Variants in SYNC observed in about 807,000 individuals in gnomAD.
The protein encoded by SYNC is syncoilin, intermediate filament protein, also known as syncoilin.
In SYNC, 38 loss-of-function variants were observed where a neutral mutation model predicts 49.5. The observed-to-expected ratio is 0.77, with a 90% confidence interval of 0.59 to 1.01. SYNC has a LOEUF of 1.01. SYNC is among the 50% of genes least tolerant of loss of function. The pLI, the probability that SYNC is intolerant of heterozygous loss-of-function variation, is 0.00. For missense variants in SYNC, 579 were observed against 580.6 expected (o/e 1.00, Z 0.03); for synonymous variants, 201 against 230.8 (o/e 0.87, Z 1.17).
At position 32,695,612 on chromosome 1, in the gene SYNC, G is replaced by A. The variant is rs573229823; in HGVS notation, c.486C>T (p.Ser162=). 6.1e-5 allele frequency: 95 copies of A among 1,551,448 alleles called. No individual in the cohort carries two copies. In the African/African-American group the frequency reaches 9.9e-4, roughly 16 times the overall value. ...EESLRAEQSP[S]MEENLSIEDL... is the part of the protein sequence containing the mutation. ...CCTCTATGCTCAGGTTCTCCTCCAT[G>A]CTGGGGCTCTGCTCGGCTCTGAGGC... is the stretch of plus-strand genomic sequence containing the variant. The change falls in exon 2 of 5, where the codon AGC becomes AGT. Residue 162 remains serine, a synonymous_variant. Transcript: ENST00000409190.
At chr1:32,690,027 C>G (rs1650086032) in intron 2 of SYNC, among the ~76,000 whole-genome samples, 2 of 151,692 alleles carry the variant, frequency 1.3e-5, no homozygotes, top group African/African-American at 4.8e-5. Flanking sequence ...TTAGGGACCT[C>G]AGACCTTGCT....
rs1171957898 is a variant in SYNC, at chr1:32,695,661, G to A, written c.437C>T (p.Ala146Val). Reference protein sequence around the residue: ...VVYEGETVTRAEKSNPEESLR... With the variant: ...VVYEGETVTRVEKSNPEESLR... ...GCTCTCCTCAGGGTTAGATTTCTCC[G>A]CCCTTGTGACTGTCTCTCCCTCATA... The change falls in exon 2 of 5, where the codon GCG becomes GTG. Residue 146 changes from alanine (A) to valine (V), a missense_variant. Coordinates refer to ENST00000409190, the MANE Select transcript of SYNC (RefSeq NM_030786.3). 16 of 1,551,306 alleles carry A rather than the reference G, an allele frequency of 1.0e-5. No homozygotes were observed. Among genetic ancestry groups the A allele is most frequent in the African/African-American group, 5.5e-5 (4 of 72,864 alleles).
chr1:32,685,855 T>G (rs1379761522), intron 2 of SYNC: 1 of 152,250 alleles, frequency 6.6e-6, no homozygotes, highest in Non-Finnish European at 1.5e-5. Context: ...GGATGGTCTC[T>G]TAATCCTGTG....
chr1:32,681,712 G>A lies in SYNC; in HGVS notation c.*138C>T, dbSNP rs1649447486. 6 of 1,401,190 alleles carry A rather than the reference G, an allele frequency of 4.3e-6. No homozygotes were observed. Among genetic ancestry groups the A allele is most frequent in the Non-Finnish European group, 6.0e-6 (6 of 997,432 alleles). 86.8% of individuals were successfully genotyped at this position (1,401,190 alleles called of 1,614,324 possible). ...TTTTTAAGCAGGTCAGCCAGTATTT[G>A]CAACTTCCACAGGATGAATTGCTTG... On this transcript the variant is annotated 3_prime_UTR_variant, in exon 5 of 5. Transcript: ENST00000409190.
intron 1 of SYNC, 55 bp from the exon 2 acceptor site, chr1:32,696,099 A>G: frequency 6.9e-7 from 1 of 1,442,766 alleles, no homozygotes; most frequent in Admixed American, 2.2e-5. Flanking sequence ...GGATGGTGCA[A>G]TTCTGGAGCC....
At chr1:32,687,856 T>TTATTATTATTATTATTATTA (rs1314721282) in intron 2 of SYNC, among the ~76,000 whole-genome samples, 1 of 9,358 alleles carries the variant, frequency 1.1e-4, no homozygotes, top group African/African-American at 1.2e-4. Flanking sequence ...ATTATTATTA[T>TTATTATTATTATTATTATTA]TATTATTTTT....
At chr1:32,702,902 G>A (rs1412250672), upstream of SYNC, 1 of 174,498 alleles carries the variant, frequency 5.7e-6, no homozygotes, top group Non-Finnish European at 1.2e-5. This position sits in a 1 kb window ranked among gnomAD's most constrained non-coding sequence, Gnocchi z 6.2. Flanking sequence ...GGGAACGGGG[G>A]CCTGGAGCTG....
In SYNC at chr1:32,680,463, A is replaced by G. The variant is rs1649365452; in HGVS notation, c.*1387T>C. The G allele has an allele frequency of 6.5e-7, 1 of 1,534,568 alleles. No individual in the cohort carries two copies. On this transcript the variant is annotated 3_prime_UTR_variant, in exon 5 of 5. Transcript: ENST00000409190. ...ACTGTCAAGTTGAGAAGAGTGAATC[A>G]ATAACTTGTATTTGTTTTAAAAATT... is the stretch of plus-strand genomic sequence containing the variant.
intron 4 of SYNC, chr1:32,683,535 C>T (rs1410034557): frequency 6.5e-6 from 1 of 153,092 alleles, no homozygotes; most frequent in Non-Finnish European, 1.5e-5. Context: ...TAGAAACAAA[C>T]ATTCCAAATG....
intron 3 of SYNC, 47 bp downstream of exon 3, chr1:32,684,211 C>T (rs750129550): frequency 1.2e-6 from 2 of 1,609,450 alleles, no homozygotes; most frequent in South Asian, 1.1e-5. Flanking sequence ...CTCCCACCAT[C>T]CCCTCAGCCA....
rs1650354450 is a variant in SYNC, at chr1:32,695,197, G to A, written c.901C>T (p.Gln301Ter). The A allele has an allele frequency of 1.9e-6, 3 of 1,559,060 alleles. No individual in the cohort carries two copies. In the East Asian group the frequency reaches 7.3e-5, roughly 38 times the overall value. ...LRDAYQKQKEQLRQQLEAPPS... is the reference protein window; with the variant it reads ...LRDAYQKQKE Reference sequence around the variant, plus strand: ...GGGGCTTCTAGTTGTTGCCGCAGCTGCTCCTTCTGCTTCTGATAGGCATCC... The same window carrying A: ...GGGGCTTCTAGTTGTTGCCGCAGCTACTCCTTCTGCTTCTGATAGGCATCC... Residue 301 changes from glutamine to a stop codon, truncating the protein, a stop_gained, in exon 2 of 5, where the codon CAG becomes TAG. Coordinates refer to ENST00000409190, the MANE Select transcript of SYNC (RefSeq NM_030786.3). LOFTEE classifies it high-confidence loss of function.
In SYNC at chr1:32,702,705, C is replaced by A. The variant is rs1389515795; in HGVS notation, c.-45G>T. On this transcript the variant is annotated 5_prime_UTR_variant, in exon 1 of 5. Coordinates refer to ENST00000409190, the MANE Select transcript of SYNC (RefSeq NM_030786.3). The surrounding 1 kb of genome is among the most constrained non-coding windows in gnomAD (Gnocchi z 6.2). The stretch of plus-strand genomic sequence containing the variant: ...GGCGGCCGCGTTATTAATAGCCGGG[C>A]CCGCGGGCCCCTCGCTCCGGCGCCC... 1 of 1,134,024 alleles carries A rather than the reference C, an allele frequency of 8.8e-7. No individual in the cohort carries two copies. Among genetic ancestry groups the A allele is most frequent in the East Asian group, 4.6e-5 (1 of 21,928 alleles). 70.2% of individuals were successfully genotyped at this position (1,134,024 alleles called of 1,614,324 possible). A position where few individuals can be genotyped will look rare whatever the true frequency, so the allele number is the denominator to read the frequency against.
chr1:32,684,999 A>G (rs879213088), intron 2 of SYNC: 1 of 150,660 alleles, frequency 6.6e-6, no homozygotes. Context: ...CCTATTGCTA[A>G]TTTCCTGCAT....
intron 2 of SYNC, among the ~76,000 whole-genome samples, chr1:32,692,681 G>A (rs1046970182): frequency 2.0e-5 from 3 of 152,096 alleles, no homozygotes; most frequent in Admixed American, 6.6e-5. Context: ...AGGAGGCAGA[G>A]GTTGCAGTGA....
intron 2 of SYNC, among the ~76,000 whole-genome samples, chr1:32,687,211 A>G (rs532152335): frequency 1.3e-5 from 2 of 152,122 alleles, no homozygotes; most frequent in Admixed American, 6.5e-5. Context: ...AATACAAAAA[A>G]TTAGCCGGGC....
In SYNC at chr1:32,695,758, C is replaced by T; in HGVS notation, c.340G>A (p.Glu114Lys). The change falls in exon 2 of 5, where the codon GAG (glutamate) becomes AAG (lysine). Residue 114 changes from glutamate (E) to lysine (K), a missense_variant. By Grantham distance (56) the Glu-to-Lys change is moderately conservative. Coordinates refer to ENST00000409190, the MANE Select transcript of SYNC (RefSeq NM_030786.3). The part of the protein sequence containing the change: ...EETVCVEETT[E>K]PDRIQFVEGP... ...TCCACAAACTGTATCCGATCTGGCT[C>T]CGTGGTTTCCTCCACACACACTGTC... 6.4e-7 allele frequency: 1 copy of T among 1,551,672 alleles called. No individual in the cohort carries two copies.
intron 2 of SYNC, among the ~76,000 whole-genome samples, chr1:32,690,753 C>A (rs1396711966): frequency 6.6e-6 from 1 of 151,570 alleles, no homozygotes; most frequent in Non-Finnish European, 1.5e-5. Context: ...GAGTTCAAGA[C>A]CAGCTGGCTA....
Position 32,681,733 on chromosome 1 carries a change from G to T in SYNC, c.*117C>A. On this transcript the variant is annotated 3_prime_UTR_variant, in exon 5 of 5. Coordinates refer to ENST00000409190, the MANE Select transcript of SYNC (RefSeq NM_030786.3). ...ATTTGCAACTTCCACAGGATGAATT[G>T]CTTGCCAAGTTTCTGGCACTCTTGT... 6.4e-7 allele frequency: 1 copy of T among 1,554,570 alleles called. No individual in the cohort carries two copies. Among genetic ancestry groups the T allele is most frequent in the South Asian group, 1.1e-5 (1 of 88,618 alleles).
At chr1:32,689,968 G>A (rs1162371240) in intron 2 of SYNC, among the ~76,000 whole-genome samples, 3 of 148,270 alleles carry the variant, frequency 2.0e-5, no homozygotes, top group African/African-American at 7.4e-5. Flanking sequence ...GTAAGTTGAT[G>A]AAATAGAACT....
Sources: allele counts gnomAD v4.1 joint callset (sites outside exome capture counted in the v4.1 genomes callset), GRCh38; gene constraint gnomAD v4.1.1; non-coding constraint Gnocchi (gnomAD v3.1); transcripts MANE v1.5; gene names NCBI Gene and HGNC (gene_info 2026-07-23, HGNC 2026-07-21).